The following GALNTL6 variants were observed in gnomAD, a reference collection of about 807,000 sequenced individuals.
GALNTL6 encodes polypeptide N-acetylgalactosaminyltransferase like 6, also known as polypeptide N-acetylgalactosaminyltransferase-like 6.
GALNTL6 carries 46 observed loss-of-function variants against 73.7 expected under a neutral mutation model. That is an observed-to-expected ratio of 0.62 (90% CI 0.49 to 0.80). The LOEUF is 0.80. GALNTL6 is among the 30% of genes least tolerant of loss of function. The pLI, the probability that GALNTL6 is intolerant of heterozygous loss-of-function variation, is 0.00. For missense variants in GALNTL6, 604 were observed against 755.0 expected, an observed-to-expected ratio of 0.80 and a Z score of 2.34; for synonymous variants, 259 against 263.7, an observed-to-expected ratio of 0.98 and a Z score of 0.17.
intron 5 of GALNTL6, among the ~76,000 whole-genome samples, chr4:172,594,543 G>A (rs187750654): frequency 3.3e-4 from 50 of 151,982 alleles, no homozygotes; most frequent in African/African-American, 1.2e-3. Flanking sequence ...TTTTTTCAAT[G>A]CAAATGTTAA....
intron 3 of GALNTL6, among the ~76,000 whole-genome samples, chr4:172,233,139 AGG>A: frequency 6.7e-6 from 1 of 148,656 alleles, no homozygotes; most frequent in Non-Finnish European, 1.5e-5. Flanking sequence ...GTGGCAGCAG[AGG>A]GAGGATCGCT....
intron 2 of GALNTL6, among the ~76,000 whole-genome samples, chr4:171,998,958 G>A (rs1444502132): frequency 6.6e-6 from 1 of 152,122 alleles, no homozygotes; most frequent in Admixed American, 6.6e-5. Flanking sequence ...GAAGATTACA[G>A]CCTCATACCC....
Position 172,815,836 on chromosome 4 carries a change from T to C in GALNTL6, c.923+2113T>C, listed in dbSNP as rs575404793. Among the ~76,000 whole-genome samples, 25 of 152,338 alleles carry C rather than the reference T, an allele frequency of 1.6e-4. No individual in the cohort carries two copies. The East Asian group carries it at 2.1e-3, about 13-fold the overall frequency. ...TACTATCTTTCTGCCTTAAGTCTTA[T>C]TGATTCCTAGGAATGTGGACACTTT... On this transcript the variant is annotated intron_variant, in intron 7 of 12. Coordinates refer to ENST00000506823, the MANE Select transcript of GALNTL6 (RefSeq NM_001034845.3).
intron 5 of GALNTL6, among the ~76,000 whole-genome samples, chr4:172,574,539 CA>C (rs903870915): frequency 4.0e-5 from 6 of 150,784 alleles, no homozygotes; most frequent in East Asian, 1.9e-4. Flanking sequence ...TTACCACAGA[CA>C]AAAAAAGATC....
At chr4:172,443,458 G>A (rs1848397) in intron 5 of GALNTL6, among the ~76,000 whole-genome samples, 63,742 of 151,420 alleles carry the variant, frequency 0.42, 16,187 homozygotes, top group South Asian at 0.67. Context: ...GAGCCACTGC[G>A]CCCAGCTATG....
intron 2 of GALNTL6, among the ~76,000 whole-genome samples, chr4:172,191,334 C>A (rs1162719034): frequency 6.6e-6 from 1 of 152,178 alleles, no homozygotes; most frequent in East Asian, 1.9e-4. Context: ...TTTATCATCA[C>A]CTTTCTGTTC....
chr4:172,226,825 C>T (rs958906800), intron 2 of GALNTL6, among the ~76,000 whole-genome samples: 1 of 152,048 alleles, frequency 6.6e-6, no homozygotes, highest in African/African-American at 2.4e-5. Flanking sequence ...TTTTCTCTCC[C>T]TGATATCACA....
intron 7 of GALNTL6, among the ~76,000 whole-genome samples, chr4:172,817,106 CAAAAA>C (rs368595063): frequency 2.7e-5 from 2 of 74,442 alleles, no homozygotes; most frequent in African/African-American, 9.5e-5. Context: ...ACTCCGTCTC[CAAAAA>C]AAAAAAAAAA....
chr4:172,363,423 G>T (rs901315598), intron 5 of GALNTL6, among the ~76,000 whole-genome samples: 15 of 152,140 alleles, frequency 9.9e-5, no homozygotes, highest in Non-Finnish European at 4.4e-5. Flanking sequence ...CCATGACTCA[G>T]TTTCTCTCAT....
intron 3 of GALNTL6, among the ~76,000 whole-genome samples, chr4:172,245,593 T>C (rs58932805): frequency 0.39 from 59,229 of 151,960 alleles, 11,714 homozygotes; most frequent in Non-Finnish European, 0.41. Flanking sequence ...TTTGAGGGAC[T>C]GTGATTCATT....
chr4:172,097,710 T>C lies in GALNTL6; in HGVS notation c.139-131946T>C, dbSNP rs116401545. On this transcript the variant is annotated intron_variant, in intron 2 of 12. Coordinates refer to ENST00000506823, the MANE Select transcript of GALNTL6 (RefSeq NM_001034845.3). ...GCAACCACAGTAACCATCAACTGCC[T>C]ACCTTCACTCTTATTAAGAAAGAAA... Among the ~76,000 whole-genome samples the C allele has an allele frequency of 2.6e-3, 398 of 152,344 alleles. 2 individuals carry two copies. Among genetic ancestry groups the C allele is most frequent in the African/African-American group, 9.1e-3 (380 of 41,582 alleles).
intron 11 of GALNTL6, among the ~76,000 whole-genome samples, chr4:173,010,719 C>T (rs1166775832): frequency 2.6e-5 from 4 of 151,858 alleles, no homozygotes; most frequent in Non-Finnish European, 5.9e-5. Flanking sequence ...CTCAGCCTCC[C>T]GAGAAGCTGG....
intron 5 of GALNTL6, among the ~76,000 whole-genome samples, chr4:172,752,927 A>G (rs760463039): frequency 6.6e-6 from 1 of 152,268 alleles, no homozygotes; most frequent in East Asian, 1.9e-4. Context: ...TGATATACTC[A>G]ATTTAGTCAT....
intron 2 of GALNTL6, among the ~76,000 whole-genome samples, chr4:171,987,589 G>T (rs1004608566): frequency 6.6e-6 from 1 of 152,216 alleles, no homozygotes; most frequent in African/African-American, 2.4e-5. Flanking sequence ...GATGTGTAGG[G>T]AAGGGAAGGG....
At chr4:172,599,467 C>G (rs1737977058) in intron 5 of GALNTL6, among the ~76,000 whole-genome samples, 1 of 152,014 alleles carries the variant, frequency 6.6e-6, no homozygotes, top group Admixed American at 6.6e-5. Flanking sequence ...AAATCTGAGA[C>G]CCTACTTGCC....
intron 2 of GALNTL6, among the ~76,000 whole-genome samples, chr4:172,075,046 A>G (rs1317041446): frequency 1.3e-5 from 2 of 152,136 alleles, no homozygotes; most frequent in Non-Finnish European, 2.9e-5. Context: ...ACTATCAATT[A>G]TTACAAGAAT....
chr4:172,699,358 G>T (rs887691563), intron 5 of GALNTL6, among the ~76,000 whole-genome samples: 2 of 152,134 alleles, frequency 1.3e-5, no homozygotes, highest in Admixed American at 6.6e-5. Flanking sequence ...GTGTATCTGT[G>T]CATGTGTAAC....
intron 2 of GALNTL6, among the ~76,000 whole-genome samples, chr4:171,932,573 G>A (rs1226011286): frequency 1.3e-5 from 2 of 152,168 alleles, no homozygotes; most frequent in East Asian, 3.9e-4. Flanking sequence ...TATGGCTCTT[G>A]AAGAAATGGG....
At chr4:172,750,362 T>C (rs1737355501) in intron 5 of GALNTL6, among the ~76,000 whole-genome samples, 1 of 152,246 alleles carries the variant, frequency 6.6e-6, no homozygotes, top group African/African-American at 2.4e-5. Context: ...CTTATTTCTC[T>C]TAAATCAACG....
Sources: allele counts gnomAD v4.1 joint callset (sites outside exome capture counted in the v4.1 genomes callset), GRCh38; gene constraint gnomAD v4.1.1; transcripts MANE v1.5; gene names NCBI Gene and HGNC (gene_info 2026-07-23, HGNC 2026-07-21).